Variants in PHC2 observed in about 807,000 individuals in gnomAD.
PHC2 encodes the protein polyhomeotic-like protein 2.
In PHC2, 29 loss-of-function variants were observed where a neutral mutation model predicts 87.4. That is an observed-to-expected ratio of 0.33 (90% CI 0.25 to 0.45). The LOEUF (loss-of-function observed/expected upper bound fraction) is 0.45. PHC2 is among the 20% of genes least tolerant of loss of function. PHC2 has a pLI of 1.00. For synonymous variants in PHC2, 438 were observed against 461.7 expected (o/e 0.95, Z 0.66); for missense variants, 857 against 1,136.7 (o/e 0.75, Z 3.54).
intron 1 of PHC2, among the ~76,000 whole-genome samples, chr1:33,379,136 C>T (rs1648328363): frequency 6.6e-6 from 1 of 151,844 alleles, no homozygotes; most frequent in Admixed American, 6.6e-5. Context: ...GCCAGGACAG[C>T]CACTGCTCCC....
intron 1 of PHC2, among the ~76,000 whole-genome samples, chr1:33,422,785 C>T (rs1397019144): frequency 1.3e-5 from 2 of 152,010 alleles, no homozygotes; most frequent in Non-Finnish European, 2.9e-5. Flanking sequence ...GGAAAACTTC[C>T]TTGGTAATTT....
At chr1:33,386,092 C>T (rs1367653999) in intron 1 of PHC2, among the ~76,000 whole-genome samples, 5 of 151,922 alleles carry the variant, frequency 3.3e-5, no homozygotes, top group South Asian at 2.1e-4. Context: ...CCACTGTGCC[C>T]GGCCCAGAGT....
intron 9 of PHC2, among the ~76,000 whole-genome samples, chr1:33,352,137 A>G (rs1427691337): frequency 6.6e-6 from 1 of 152,192 alleles, no homozygotes; most frequent in Non-Finnish European, 1.5e-5. Flanking sequence ...TGGAGGAGAA[A>G]GGCAAATGTC....
rs982556172 is a variant in PHC2, at chr1:33,329,502, A to G, written c.2149-356T>C. ...AGGAGGTTTAAGACAAAAAAAAAAT[A>G]AGGCAAAATTATACATAAGGTTATA... is the stretch of plus-strand genomic sequence containing the variant. On this transcript the variant is annotated intron_variant, in intron 13 of 14. Transcript: ENST00000683057. Among the ~76,000 whole-genome samples, 16 of 152,110 alleles carry G rather than the reference A, an allele frequency of 1.1e-4. 1 individual carries two copies. Among genetic ancestry groups the G allele is most frequent in the African/African-American group, 3.9e-4 (16 of 41,394 alleles).
In PHC2 at chr1:33,431,030, C is replaced by G. The variant is rs1207670192; in HGVS notation, c.-109G>C. The G allele has an allele frequency of 6.6e-6, 1 of 152,216 alleles. No homozygotes were observed. Among genetic ancestry groups the G allele is most frequent in the Non-Finnish European group, 1.5e-5 (1 of 68,092 alleles). 9.4% of individuals were successfully genotyped at this position (152,216 alleles called of 1,614,324 possible). A position where few individuals can be genotyped will look rare whatever the true frequency, so the allele number is the denominator to read the frequency against. On this transcript the variant is annotated 5_prime_UTR_variant, in exon 1 of 15. Transcript: ENST00000683057. ...CTGGCCGCTCTCTCCCGGGGGCCGC[C>G]CCTCAGCCCGCCCCCTCGGCTCGGC...
At chr1:33,407,030 C>T (rs1649792217) in intron 1 of PHC2, among the ~76,000 whole-genome samples, 1 of 152,174 alleles carries the variant, frequency 6.6e-6, no homozygotes, top group Admixed American at 6.5e-5. Flanking sequence ...GTTCTGACCT[C>T]AGCTGTATAT....
Position 33,336,406 on chromosome 1 carries a change from A to G in PHC2, c.1559-2114T>C, listed in dbSNP as rs113086634. ...ACTCAGTCCTCCATAATTCAGCTAC[A>G]TAATAAACTTCTGAGCTGAGCAGGG... On this transcript the variant is annotated intron_variant, in intron 9 of 14. Transcript: ENST00000683057. Among the ~76,000 whole-genome samples, 924 of 152,326 alleles carry G rather than the reference A, an allele frequency of 6.1e-3. 23 individuals are homozygous for G. Among genetic ancestry groups the G allele is most frequent in the African/African-American group, 0.021 (862 of 41,566 alleles).
rs918043694 is a variant in PHC2, at chr1:33,324,829, A to C, written c.*36T>G. ...TGTCTGGCTCTGCTCAGTCGGGAGG[A>C]GGCGCCCTGGGCCAGAATCCTGGCT... On this transcript the variant is annotated 3_prime_UTR_variant, in exon 15 of 15. Transcript: ENST00000683057. 3.8e-6 allele frequency: 6 copies of C among 1,588,398 alleles called. No homozygotes were observed. Among genetic ancestry groups the C allele is most frequent in the Non-Finnish European group, 3.4e-6 (4 of 1,164,470 alleles).
chr1:33,407,447 G>A (rs530846218), intron 1 of PHC2, among the ~76,000 whole-genome samples: 1 of 152,296 alleles, frequency 6.6e-6, no homozygotes, highest in East Asian at 1.9e-4. Context: ...CTACTAGTAT[G>A]GAACCATCCT....
In PHC2 at chr1:33,324,895, G is replaced by T. The variant is rs11554674; in HGVS notation, c.2550C>A (p.Tyr850Ter). The change falls in exon 15 of 15, where the codon TAC becomes TAA. Residue 850 changes from tyrosine to a stop codon, truncating the protein, a stop_gained. Transcript: ENST00000683057. LOFTEE classifies it high-confidence loss of function. ...NIKLGPALKI[Y>*]ARISMLKDS ...AGTCCTTGAGCATGCTGATGCGGGC[G>T]TAGATCTTCAGGGCGGGCCCCAGCT... is the stretch of plus-strand genomic sequence containing the variant. The T allele has an allele frequency of 6.2e-7, 1 of 1,613,304 alleles. No individual in the cohort carries two copies. Among genetic ancestry groups the T allele is most frequent in the Non-Finnish European group, 8.5e-7 (1 of 1,179,576 alleles).
rs1341022679 is a variant in PHC2, at chr1:33,323,833, A to G, written c.*1032T>C. 1 of 152,570 alleles carries G rather than the reference A, an allele frequency of 6.6e-6. No homozygotes were observed. The highest frequency in any genetic ancestry group is 1.5e-5 in the Non-Finnish European group (1 of 68,070). 9.5% of individuals were successfully genotyped at this position (152,570 alleles called of 1,614,324 possible). ...GGTAGCTCAAATTGCTGCTAGGAAGATTTATAGGCAAAGAAGTGTGGGAGT... is the reference window on the plus strand; with the variant it reads ...GGTAGCTCAAATTGCTGCTAGGAAGGTTTATAGGCAAAGAAGTGTGGGAGT... On this transcript the variant is annotated 3_prime_UTR_variant, in exon 15 of 15. Coordinates refer to ENST00000683057, the MANE Select transcript of PHC2 (RefSeq NM_001385109.1).
intron 1 of PHC2, among the ~76,000 whole-genome samples, chr1:33,396,350 G>C (rs903232158): frequency 3.3e-5 from 5 of 152,164 alleles, no homozygotes; most frequent in African/African-American, 1.2e-4. Context: ...TAACGGGGTG[G>C]GGAAGGGTGA....
At chr1:33,333,902 C>T (rs945948556) in intron 10 of PHC2, 188 bp downstream of exon 10, 1 of 585,836 alleles carries the variant, frequency 1.7e-6, no homozygotes, top group South Asian at 2.2e-5. Flanking sequence ...TGATCACTGA[C>T]CCCCCTCTTC....
intron 14 of PHC2, chr1:33,325,725 C>G: frequency 2.8e-6 from 1 of 358,860 alleles, no homozygotes; most frequent in Non-Finnish European, 5.7e-6. Context: ...CAAGTGATTG[C>G]TGCTTAAAGT....
chr1:33,361,460 C>G (rs1307017536), intron 7 of PHC2, among the ~76,000 whole-genome samples: 1 of 152,194 alleles, frequency 6.6e-6, no homozygotes, highest in Non-Finnish European at 1.5e-5. Context: ...CCTGCCTCAG[C>G]CTCCCAAGTA....
chr1:33,367,324 C>G lies in PHC2; in HGVS notation c.768G>C (p.Pro256=). 1.2e-6 allele frequency: 2 copies of G among 1,613,004 alleles called. No homozygotes were observed. The highest frequency in any genetic ancestry group is 1.7e-6 in the Non-Finnish European group (2 of 1,179,198). The change falls in exon 7 of 15, where the codon CCG becomes CCC. Residue 256 remains proline (P), a synonymous_variant. Transcript: ENST00000683057. ...VLPSLALKPT[P]GGSQPLPTPA... ...GGGTAGGCAGAGGCTGGCTACCGCCCGGCGTGGGTTTCAGGGCCAAGCTGG... is the reference window on the plus strand; with the variant it reads ...GGGTAGGCAGAGGCTGGCTACCGCCGGGCGTGGGTTTCAGGGCCAAGCTGG...
Position 33,332,250 on chromosome 1 carries a change from G to A in PHC2, c.1891+25C>T, listed in dbSNP as rs80231810. The A allele has an allele frequency of 0.02, 31,999 of 1,613,826 alleles. 362 individuals are homozygous for A. The highest frequency in any genetic ancestry group is 0.025 in the Non-Finnish European group (29,163 of 1,179,712). ...CTTTCCAGCCACGCTGGGAGGCCGA[G>A]AGATTCAGGGTCTGAGATGCCCACC... On this transcript the variant is annotated intron_variant, in intron 11 of 14. Coordinates refer to ENST00000683057, the MANE Select transcript of PHC2 (RefSeq NM_001385109.1). The surrounding 1 kb of genome is among the most constrained non-coding windows in gnomAD (Gnocchi z 4.2).
At chr1:33,361,403 T>C (rs1647191636) in intron 7 of PHC2, among the ~76,000 whole-genome samples, 1 of 152,202 alleles carries the variant, frequency 6.6e-6, no homozygotes, top group Admixed American at 6.5e-5. Flanking sequence ...TGCAATGGCA[T>C]GATCTCTGCT....
intron 2 of PHC2, 23 bp from the exon 3 acceptor site, chr1:33,372,470 G>A (rs1647913426): frequency 1.3e-6 from 2 of 1,516,614 alleles, no homozygotes; most frequent in African/African-American, 2.8e-5. Context: ...GGAGGGGGAA[G>A]AGCCAGGCTG....
Sources: allele counts gnomAD v4.1 joint callset (sites outside exome capture counted in the v4.1 genomes callset), GRCh38; gene constraint gnomAD v4.1.1; non-coding constraint Gnocchi (gnomAD v3.1); transcripts MANE v1.5; gene names NCBI Gene and HGNC (gene_info 2026-07-23, HGNC 2026-07-21).